Variants in PPP6C observed in about 807,000 individuals in gnomAD.
PPP6C encodes the protein serine/threonine-protein phosphatase 6 catalytic subunit.
Under a neutral mutation model 39.8 loss-of-function variants are expected in PPP6C, and 11 were observed. That is an observed-to-expected ratio of 0.28 (90% CI 0.17 to 0.46). The LOEUF (loss-of-function observed/expected upper bound fraction) is 0.46. Ranked by LOEUF, PPP6C falls within the 20% of genes least tolerant of loss-of-function variation. The probability of loss-of-function intolerance (pLI) is 1.00; values close to 1 mark genes in which losing one functional copy is unlikely to be tolerated. For synonymous variants in PPP6C, 129 were observed against 130.3 expected, an observed-to-expected ratio of 0.99 and a Z score of 0.07; for missense variants, 211 against 373.9, an observed-to-expected ratio of 0.56 and a Z score of 3.59.
At chr9:125,170,957 T>C (rs1313969986) in intron 2 of PPP6C, 128 bp downstream of exon 2, 3 of 554,798 alleles carry the variant, frequency 5.4e-6, no homozygotes, top group Admixed American at 3.2e-5. Flanking sequence ...TCACAGAGAC[T>C]GAGGCAACCT....
At chr9:125,153,448 C>CA (rs1564145949) in intron 6 of PPP6C, 85 bp downstream of exon 6, 7 of 1,294,674 alleles carry the variant, frequency 5.4e-6, no homozygotes, top group Non-Finnish European at 7.6e-6. Context: ...AGCTAGACTA[C>CA]AAGTTTGTTA....
At chr9:125,152,390 C>A (rs1041029695) in intron 6 of PPP6C, among the ~76,000 whole-genome samples, 1 of 152,162 alleles carries the variant, frequency 6.6e-6, no homozygotes, top group Non-Finnish European at 1.5e-5. Context: ...GTAGCTTGAT[C>A]TTCCTTAGCC....
chr9:125,150,756 A>G, intron 6 of PPP6C: 1 of 719,494 alleles, frequency 1.4e-6, no homozygotes, highest in Non-Finnish European at 2.5e-6. Flanking sequence ...GAAATTCAGC[A>G]ACTAGGAGAC....
At chr9:125,175,962 T>G (rs953129903) in intron 1 of PPP6C, among the ~76,000 whole-genome samples, 2 of 152,064 alleles carry the variant, frequency 1.3e-5, no homozygotes, top group African/African-American at 4.8e-5. Flanking sequence ...TGTCACATAG[T>G]AATATCAAGG....
intron 3 of PPP6C, among the ~76,000 whole-genome samples, chr9:125,158,854 G>A (rs1029532494): frequency 3.0e-4 from 46 of 151,228 alleles, no homozygotes; most frequent in African/African-American, 8.7e-4. Context: ...TTGTAGAGAC[G>A]GGGGTTTCAC....
At chr9:125,163,083 A>G (rs1828923081) in intron 2 of PPP6C, among the ~76,000 whole-genome samples, 1 of 152,194 alleles carries the variant, frequency 6.6e-6, no homozygotes, top group African/African-American at 2.4e-5. Context: ...TGTCTCAAAA[A>G]AAAAAAAGTG....
chr9:125,178,203 T>C lies in PPP6C; in HGVS notation c.76-7023A>G, dbSNP rs975372936. 6.6e-5 allele frequency among the ~76,000 whole-genome samples: 10 copies of C among 152,336 alleles called. No individual in the cohort carries two copies. The South Asian group carries it at 2.1e-3, about 32-fold the overall frequency. On this transcript the variant is annotated intron_variant, in intron 1 of 6. Transcript: ENST00000373547. ...ACTGCTGGATTATATGAAGAGTTTG[T>C]TTAGTTTTATAAGAAACTGCCAAAC...
chr9:125,169,031 T>C (rs1312166821), intron 2 of PPP6C, among the ~76,000 whole-genome samples: 1 of 152,240 alleles, frequency 6.6e-6, no homozygotes, highest in Non-Finnish European at 1.5e-5. Context: ...AGTGCTGGGA[T>C]TACAGGCGTG....
In PPP6C at chr9:125,189,563, C is replaced by T. The variant is rs1223438306; in HGVS notation, c.75+81G>A. On this transcript the variant is annotated intron_variant, in intron 1 of 6. Transcript: ENST00000373547. ...CTCCACCGCGACTGGACTGGATACC[C>T]GGCGGGGGTCCTGGAGAAAGGAAGG... is the stretch of plus-strand genomic sequence containing the variant. 3.8e-6 allele frequency: 6 copies of T among 1,596,928 alleles called. No individual in the cohort carries two copies. The East Asian group carries it at 9.0e-5, about 24-fold the overall frequency.
chr9:125,189,693 T>C lies in PPP6C; in HGVS notation c.26A>G (p.Tyr9Cys). 6.8e-6 allele frequency: 11 copies of C among 1,610,524 alleles called. No homozygotes were observed. The highest frequency in any genetic ancestry group is 9.3e-6 in the Non-Finnish European group (11 of 1,178,666). ...CTTGCACAGCCGCGCTATTTCCACA[T>C]ACTTGTCCAGGTCTAGCGGCGCCAT... MAPLDLDKYVEIARLCKYL... is the reference protein window; with the variant it reads MAPLDLDKCVEIARLCKYL... Residue 9 changes from tyrosine to cysteine, a missense_variant, in exon 1 of 7, where the codon TAT becomes TGT. Physicochemically the swap from Tyr to Cys is radical, Grantham distance 194. This residue lies in a region of PPP6C where 43 missense variants were observed against 31.3 expected (regional missense o/e 1.38). Transcript: ENST00000373547.
At chr9:125,154,097 A>C (rs1836013262) in intron 4 of PPP6C, 112 bp from the exon 5 acceptor site, 1 of 799,242 alleles carries the variant, frequency 1.3e-6, no homozygotes, top group South Asian at 1.7e-5. Context: ...AAACTAGGAT[A>C]GCAAGATATG....
intron 6 of PPP6C, among the ~76,000 whole-genome samples, chr9:125,152,469 T>G (rs1360691318): frequency 6.6e-6 from 1 of 152,190 alleles, no homozygotes; most frequent in African/African-American, 2.4e-5. Flanking sequence ...GTATTTAATT[T>G]TCATCTTCTT....
At chr9:125,186,556 G>T (rs1230012536) in intron 1 of PPP6C, among the ~76,000 whole-genome samples, 2 of 151,628 alleles carry the variant, frequency 1.3e-5, no homozygotes, top group Non-Finnish European at 2.9e-5. Context: ...GACTGGCCTG[G>T]GTAACATAGC....
Position 125,153,633 on chromosome 9 carries a change from G to A in PPP6C, c.569C>T (p.Ala190Val), listed in dbSNP as rs1396100892. ...ATCTGACCAAACCAGATCACAAAATGCTCCTTTATGAGGAATTTCCTGATT... is the reference window on the plus strand; with the variant it reads ...ATCTGACCAAACCAGATCACAAAATACTCCTTTATGAGGAATTTCCTGATT... The part of the protein sequence containing the change: ...ERNQEIPHKG[A>V]FCDLVWSDPE... The change falls in exon 6 of 7, where the codon GCA becomes GTA. Residue 190 changes from alanine (A) to valine (V), a missense_variant. By Grantham distance (64) the Ala-to-Val change is moderately conservative. This residue lies in a region of PPP6C where 168 missense variants were observed against 342.6 expected (regional missense o/e 0.49). Transcript: ENST00000373547. The A allele has an allele frequency of 6.2e-7, 1 of 1,614,136 alleles. No individual in the cohort carries two copies.
At chr9:125,155,966 T>C (rs1836062007) in intron 4 of PPP6C, among the ~76,000 whole-genome samples, 1 of 151,896 alleles carries the variant, frequency 6.6e-6, no homozygotes, top group Admixed American at 6.6e-5. Context: ...TTTTATATAT[T>C]ATACATGTAG....
At chr9:125,174,774 T>C (rs1829259505) in intron 1 of PPP6C, among the ~76,000 whole-genome samples, 1 of 151,540 alleles carries the variant, frequency 6.6e-6, no homozygotes, top group African/African-American at 2.4e-5. Context: ...AGCTGGTCAG[T>C]AGAGGCACGT....
Position 125,160,883 on chromosome 9 carries a change from G to C in PPP6C, c.195C>G (p.Phe65Leu), listed in dbSNP as rs1233241990. 1.3e-6 allele frequency: 2 copies of C among 1,590,224 alleles called. No homozygotes were observed. The highest frequency in any genetic ancestry group is 8.5e-7 in the Non-Finnish European group (1 of 1,170,664). The change falls in exon 3 of 7, where the codon TTC (phenylalanine) becomes TTG (leucine). Residue 65 changes from phenylalanine (F) to leucine (L), a missense_variant. Phe to Leu is a conservative substitution (Grantham distance 22, BLOSUM62 0). Coordinates refer to ENST00000373547, the MANE Select transcript of PPP6C (RefSeq NM_002721.5). ...TGTCAGGAACCTGACCTCCAGTTCT[G>C]AACAGTTCACAAAGGTCATAAAACT... ...HGQFYDLCEL[F>L]RTGGQVPDTN...
At chr9:125,182,758 A>T (rs1208529796) in intron 1 of PPP6C, among the ~76,000 whole-genome samples, 1 of 148,384 alleles carries the variant, frequency 6.7e-6, no homozygotes, top group Non-Finnish European at 1.5e-5. Context: ...CCTACTAGAT[A>T]CCCATAGTAA....
chr9:125,153,450 AG>A, intron 6 of PPP6C, 82 bp downstream of exon 6: 1 of 1,309,716 alleles, frequency 7.6e-7, no homozygotes, highest in Non-Finnish European at 1.1e-6. Context: ...CTAGACTACA[AG>A]TTTGTTATCT....
Sources: gnomAD v4.1 joint callset for allele counts (sites outside exome capture counted in the v4.1 genomes callset) on GRCh38, gnomAD v4.1.1 for gene constraint, gnomAD v4.1.1 regional missense constraint, MANE v1.5 for transcripts, NCBI Gene and HGNC (gene_info 2026-07-23, HGNC 2026-07-21) for gene names.